The following DCDC2 variants were observed in gnomAD, a reference collection of about 807,000 sequenced individuals.
DCDC2 encodes doublecortin domain containing 2, also known as doublecortin domain-containing protein 2.
In DCDC2, 40 loss-of-function variants were observed where a neutral mutation model predicts 50.2. The ratio of observed to expected loss-of-function variants is 0.80; its 90% CI spans 0.62 to 1.04. The LOEUF (loss-of-function observed/expected upper bound fraction) is 1.04, where lower values mean the gene tolerates loss of function less well. Ranked by LOEUF, DCDC2 falls within the 50% of genes least tolerant of loss-of-function variation. The pLI, the probability that DCDC2 is intolerant of heterozygous loss-of-function variation, is 0.00. For synonymous variants in DCDC2, 234 were observed against 210.6 expected, an observed-to-expected ratio of 1.11 and a Z score of -0.96; for missense variants, 570 against 581.9, an observed-to-expected ratio of 0.98 and a Z score of 0.21.
intron 8 of DCDC2, among the ~76,000 whole-genome samples, chr6:24,202,235 A>T (rs1761604972): frequency 6.6e-6 from 1 of 152,216 alleles, no homozygotes; most frequent in South Asian, 2.1e-4. Flanking sequence ...AATCCTCAAT[A>T]AAATACTGGC....
At chr6:24,277,985 A>G in intron 7 of DCDC2, 64 bp downstream of exon 7, 1 of 1,332,208 alleles carries the variant, frequency 7.5e-7, no homozygotes, top group African/African-American at 1.5e-5. Context: ...GGCCCAGAGA[A>G]ACAATGGATC....
the DCDC2 span, among the ~76,000 whole-genome samples, chr6:24,366,541 T>C: frequency 1.3e-5 from 2 of 152,214 alleles, no homozygotes; most frequent in African/African-American, 2.4e-5. Context: ...GCAGTTAGTA[T>C]CATGGTAAAC....
At chr6:24,379,486 G>A in the DCDC2 span, among the ~76,000 whole-genome samples, 4 of 152,120 alleles carry the variant, frequency 2.6e-5, no homozygotes, top group African/African-American at 9.7e-5. Flanking sequence ...CAAAACCACA[G>A]TGAGATACCA....
At chr6:24,316,047 G>A (rs754990618) in intron 2 of DCDC2, among the ~76,000 whole-genome samples, 27 of 152,162 alleles carry the variant, frequency 1.8e-4, no homozygotes, top group Non-Finnish European at 2.8e-4. Context: ...GAACAGTCAG[G>A]TGGACAGTGA....
At chr6:24,202,004 C>CA (rs202091723) in intron 8 of DCDC2, among the ~76,000 whole-genome samples, 4,562 of 149,074 alleles carry the variant, frequency 0.031, 211 homozygotes, top group African/African-American at 0.1. Flanking sequence ...GCCTGCCAGC[C>CA]AAAAAAAAAG....
intron 8 of DCDC2, among the ~76,000 whole-genome samples, chr6:24,185,604 T>G (rs1234067569): frequency 1.3e-5 from 2 of 151,772 alleles, no homozygotes; most frequent in Non-Finnish European, 1.5e-5. Flanking sequence ...AAGCAGACAT[T>G]AAATTATTAA....
At chr6:24,254,225 C>T (rs1218830377) in intron 7 of DCDC2, among the ~76,000 whole-genome samples, 1 of 152,090 alleles carries the variant, frequency 6.6e-6, no homozygotes, top group East Asian at 1.9e-4. Context: ...TCCTGAAACA[C>T]CTACCTGAGA....
chr6:24,213,179 G>A (rs1030943882), intron 7 of DCDC2, among the ~76,000 whole-genome samples: 3 of 152,044 alleles, frequency 2.0e-5, no homozygotes, highest in Non-Finnish European at 4.4e-5. Flanking sequence ...AATATATTTA[G>A]TGTTTGAAAC....
chr6:24,174,476 G>A lies in DCDC2; in HGVS notation c.*254C>T. ...TTACAAGTGGCAATTGTCTTCCAGT[G>A]CAAATTCTCCTCTGTCCGTCTTATT... On this transcript the variant is annotated 3_prime_UTR_variant, in exon 10 of 10. Coordinates refer to ENST00000378454, the MANE Select transcript of DCDC2 (RefSeq NM_016356.5). The A allele has an allele frequency of 7.6e-6, 2 of 262,824 alleles. No homozygotes were observed. Among genetic ancestry groups the A allele is most frequent in the East Asian group, 7.0e-5 (1 of 14,252 alleles). 16.3% of individuals were successfully genotyped at this position (262,824 alleles called of 1,614,324 possible). A position where few individuals can be genotyped will look rare whatever the true frequency, so the allele number is the denominator to read the frequency against.
intron 4 of DCDC2, among the ~76,000 whole-genome samples, chr6:24,298,545 A>G (rs184848242): frequency 2.0e-4 from 30 of 152,348 alleles, no homozygotes; most frequent in African/African-American, 6.0e-4. Context: ...TTCCTGCTCT[A>G]TGTCTCACAT....
chr6:24,375,293 C>A, the DCDC2 span, among the ~76,000 whole-genome samples: 2 of 152,058 alleles, frequency 1.3e-5, no homozygotes, highest in Non-Finnish European at 2.9e-5. Context: ...CGGCTGTGTC[C>A]CGAGAGGGAT....
At chr6:24,280,380 T>G (rs778991076) in intron 6 of DCDC2, among the ~76,000 whole-genome samples, 1 of 151,944 alleles carries the variant, frequency 6.6e-6, no homozygotes, top group Non-Finnish European at 1.5e-5. Flanking sequence ...TTTTTTTTTT[T>G]TTCTTTTCTT....
At chr6:24,299,640 G>A (rs548482445) in intron 4 of DCDC2, among the ~76,000 whole-genome samples, 11 of 152,268 alleles carry the variant, frequency 7.2e-5, no homozygotes, top group Middle Eastern at 3.4e-3. Context: ...TGGGCCAGTC[G>A]CAGTGGCTCA....
chr6:24,233,592 G>A (rs1018202781), intron 7 of DCDC2, among the ~76,000 whole-genome samples: 6 of 152,156 alleles, frequency 3.9e-5, no homozygotes, highest in African/African-American at 1.4e-4. Flanking sequence ...AAATAGCCAT[G>A]TAAAAGTGTT....
chr6:24,190,525 T>C (rs1156479835), intron 8 of DCDC2, among the ~76,000 whole-genome samples: 5 of 152,140 alleles, frequency 3.3e-5, no homozygotes, highest in South Asian at 2.1e-4. Flanking sequence ...ACTTAAAGTA[T>C]AATAAAAATA....
chr6:24,246,714 T>C (rs1399396571), intron 7 of DCDC2, among the ~76,000 whole-genome samples: 11 of 152,072 alleles, frequency 7.2e-5, no homozygotes, highest in Admixed American at 7.2e-4. Flanking sequence ...CTTGAACTCC[T>C]GACCTCAGGT....
Position 24,301,761 on chromosome 6 carries a change from G to A in DCDC2, c.511C>T (p.Gln171Ter). 1 of 1,614,156 alleles carries A rather than the reference G, an allele frequency of 6.2e-7. No homozygotes were observed. The highest frequency in any genetic ancestry group is 1.7e-5 in the Admixed American group (1 of 60,024). Residue 171 changes from glutamine (Q) to a stop codon, truncating the protein, a stop_gained, in exon 4 of 10, where the codon CAA (glutamine) becomes TAA (stop). Transcript: ENST00000378454. LOFTEE classifies it high-confidence loss of function. ...KTLNQWDHVL[Q>*]MVTEKITLRS... ...AGAGTGATTTTTTCTGTGACCATTT[G>A]TAGTACATGATCCCACTGATTCAAG...
chr6:24,353,012 T>C (rs1760400593), intron 2 of DCDC2, among the ~76,000 whole-genome samples: 1 of 152,236 alleles, frequency 6.6e-6, no homozygotes, highest in Admixed American at 6.5e-5. Flanking sequence ...AATGCGGTAT[T>C]GTGAATATTT....
chr6:24,213,271 A>T (rs1057480300), intron 7 of DCDC2, among the ~76,000 whole-genome samples: 6 of 152,188 alleles, frequency 3.9e-5, no homozygotes, highest in South Asian at 2.1e-4. Flanking sequence ...AATCTTAGTT[A>T]TCTATTAACT....
Sources: gnomAD v4.1 joint callset for allele counts (sites outside exome capture counted in the v4.1 genomes callset) on GRCh38, gnomAD v4.1.1 for gene constraint, MANE v1.5 for transcripts, NCBI Gene and HGNC (gene_info 2026-07-23, HGNC 2026-07-21) for gene names.